EIF3I: variants seen among roughly 807,000 people sequenced by gnomAD.
EIF3I encodes eukaryotic translation initiation factor 3 subunit I.
In EIF3I, 20 loss-of-function variants were observed where a neutral mutation model predicts 43.3. The observed-to-expected ratio is 0.46, with a 90% confidence interval of 0.32 to 0.67. EIF3I has a LOEUF of 0.67. EIF3I is among the 30% of genes least tolerant of loss of function. The probability of loss-of-function intolerance (pLI) is 0.03; values close to 1 mark genes in which losing one functional copy is unlikely to be tolerated. For synonymous variants in EIF3I, 167 were observed against 151.7 expected, an observed-to-expected ratio of 1.10 and a Z score of -0.74; for missense variants, 279 against 421.4, an observed-to-expected ratio of 0.66 and a Z score of 2.96.
At chr1:32,225,072 A>G (rs1426303567) in intron 4 of EIF3I, among the ~76,000 whole-genome samples, 2 of 151,740 alleles carry the variant, frequency 1.3e-5, no homozygotes, top group African/African-American at 4.8e-5. Context: ...GACCTCAGGT[A>G]ATCCACCCAC....
downstream of EIF3I, chr1:32,231,395 G>A (rs1639234614): frequency 2.2e-5 from 11 of 489,882 alleles, no homozygotes; most frequent in Non-Finnish European, 2.2e-5. Context: ...GGAGGCTGAG[G>A]CAGGAGAATC....
downstream of EIF3I, among the ~76,000 whole-genome samples, chr1:32,232,780 A>G (rs1412704130): frequency 6.6e-6 from 1 of 152,098 alleles, no homozygotes; most frequent in Non-Finnish European, 1.5e-5. Flanking sequence ...AGGTAAATAG[A>G]GATGATCCAG....
intron 6 of EIF3I, 32 bp downstream of exon 6, chr1:32,226,562 G>T (rs878887930): frequency 2.1e-6 from 3 of 1,413,976 alleles, no homozygotes; most frequent in Non-Finnish European, 1.8e-6. Flanking sequence ...GAGCCTACCA[G>T]AATAATTTTT....
At position 32,224,455 on chromosome 1, in the gene EIF3I, G is replaced by A. The variant is rs985563036; in HGVS notation, c.230G>A (p.Arg77His). The A allele has an allele frequency of 6.8e-6, 11 of 1,613,516 alleles. No individual in the cohort carries two copies. The highest frequency in any genetic ancestry group is 2.2e-5 in the East Asian group (1 of 44,896). Residue 77 changes from arginine (R) to histidine (H), a missense_variant, in exon 4 of 12, where the codon CGT (arginine) becomes CAT (histidine). By Grantham distance (29) the Arg-to-His change is conservative. Coordinates refer to ENST00000676679, the Ensembl canonical transcript of EIF3I. ...ACTGGCTCAGCTGACAACAGCTGTC[G>A]TCTCTGGGACTGTGAAACAGGTAAG...
At chr1:32,224,323 G>C in intron 3 of EIF3I, 87 bp from the exon 4 acceptor site, 2 of 1,258,128 alleles carry the variant, frequency 1.6e-6, no homozygotes, top group Non-Finnish European at 2.3e-6. Context: ...AAGGCTCTTT[G>C]GGGCTGAACA....
At chr1:32,226,721 C>T (rs549800882) in intron 6 of EIF3I, among the ~76,000 whole-genome samples, 191 bp downstream of exon 6, 7 of 151,092 alleles carry the variant, frequency 4.6e-5, no homozygotes, top group Admixed American at 6.6e-5. Flanking sequence ...TGCATGCCAC[C>T]GCACCTGGCT....
At chr1:32,229,958 A>G (rs1041964361) in intron 9 of EIF3I, among the ~76,000 whole-genome samples, 2 of 152,224 alleles carry the variant, frequency 1.3e-5, no homozygotes, top group African/African-American at 4.8e-5. Flanking sequence ...ATATTTATTA[A>G]GCTCTTTAAG....
Position 32,228,882 on chromosome 1 carries a change from C to T in EIF3I, c.729+66C>T. Reference sequence around the variant, plus strand: ...AGCTTCCAAGTTCTAGATGCTTGTCCAGAAGTTGGGCTACAACATTGTGGG... The same window carrying T: ...AGCTTCCAAGTTCTAGATGCTTGTCTAGAAGTTGGGCTACAACATTGTGGG... On this transcript the variant is annotated intron_variant, in intron 8 of 11. Coordinates refer to ENST00000676679, the Ensembl canonical transcript of EIF3I. The T allele has an allele frequency of 5.1e-6, 7 of 1,367,322 alleles. No homozygotes were observed. The Admixed American group carries it at 1.3e-4, about 25-fold the overall frequency. 84.7% of individuals were successfully genotyped at this position (1,367,322 alleles called of 1,614,324 possible).
At chr1:32,232,820 G>A (rs80040359), downstream of EIF3I, among the ~76,000 whole-genome samples, 1,128 of 152,148 alleles carry the variant, frequency 7.4e-3, 21 homozygotes, top group African/African-American at 0.026. Flanking sequence ...GCAGGATGGG[G>A]TATAGAGGAA....
At chr1:32,227,828 A>G (rs1166557601) in intron 6 of EIF3I, among the ~76,000 whole-genome samples, 2 of 152,190 alleles carry the variant, frequency 1.3e-5, no homozygotes, top group Admixed American at 6.5e-5. Context: ...ACTGAGTATA[A>G]TGCCCTGTAT....
chr1:32,226,473 G>A, exon 6 of EIF3I: 1 of 1,596,542 alleles, frequency 6.3e-7, no homozygotes, highest in Non-Finnish European at 8.5e-7. Flanking sequence ...GGGGACCCCT[G>A]GGGGAGTGCA....
downstream of EIF3I, among the ~76,000 whole-genome samples, chr1:32,233,271 C>T (rs1353664140): frequency 6.6e-6 from 1 of 152,160 alleles, no homozygotes; most frequent in Non-Finnish European, 1.5e-5. Context: ...TCTCCTGCCT[C>T]AGCCACCTGA....
downstream of EIF3I, among the ~76,000 whole-genome samples, chr1:32,233,310 A>G (rs1221391313): frequency 6.6e-6 from 1 of 152,088 alleles, no homozygotes; most frequent in Non-Finnish European, 1.5e-5. Context: ...GGGTGCCAAC[A>G]TGCCCGGCTA....
chr1:32,232,250 C>G (rs1209524983), downstream of EIF3I: 1 of 152,138 alleles, frequency 6.6e-6, no homozygotes, highest in Non-Finnish European at 1.5e-5. Context: ...GGTGGGCAGC[C>G]CTGGTTAGTA....
downstream of EIF3I, among the ~76,000 whole-genome samples, chr1:32,233,223 T>C (rs917928314): frequency 1.3e-5 from 2 of 152,086 alleles, no homozygotes; most frequent in African/African-American, 4.8e-5. Context: ...GGTGGGATCT[T>C]GGCTTACTGC....
At chr1:32,225,120 C>T (rs1478993448) in intron 4 of EIF3I, among the ~76,000 whole-genome samples, 5 of 152,144 alleles carry the variant, frequency 3.3e-5, no homozygotes, top group Non-Finnish European at 5.9e-5. Context: ...AGGCATGAGC[C>T]ACTGCACCTG....
downstream of EIF3I, among the ~76,000 whole-genome samples, chr1:32,233,314 C>G (rs191945659): frequency 1.3e-5 from 2 of 152,250 alleles, no homozygotes; most frequent in East Asian, 3.9e-4. Context: ...GCCAACATGC[C>G]CGGCTAATTT....
At chr1:32,227,249 C>T (rs1394073503) in intron 6 of EIF3I, among the ~76,000 whole-genome samples, 7 of 141,190 alleles carry the variant, frequency 5.0e-5, no homozygotes, top group African/African-American at 1.9e-4. Flanking sequence ...TGCACTCCAG[C>T]CTGGGTGACA....
At chr1:32,223,281 CATTTT>C (rs1236307381) in intron 2 of EIF3I, among the ~76,000 whole-genome samples, 1 of 152,092 alleles carries the variant, frequency 6.6e-6, no homozygotes, top group African/African-American at 2.4e-5. Flanking sequence ...GGCACCTGGC[CATTTT>C]ATTTTATTTT....
Sources: allele counts gnomAD v4.1 joint callset (sites outside exome capture counted in the v4.1 genomes callset), GRCh38; gene constraint gnomAD v4.1.1; transcripts MANE v1.5; gene names NCBI Gene and HGNC (gene_info 2026-07-23, HGNC 2026-07-21).